Variants in TNFAIP8 observed in about 807,000 individuals in gnomAD.
TNFAIP8 encodes TNF alpha induced protein 8.
TNFAIP8 carries 7 observed loss-of-function variants against 13.3 expected under a neutral mutation model. The observed-to-expected ratio is 0.52, with a 90% CI of 0.30 to 0.99. The LOEUF is 0.99. TNFAIP8 is among the 50% of genes least tolerant of loss of function. The pLI is 0.07. For missense variants in TNFAIP8, 258 were observed against 236.9 expected, an observed-to-expected ratio of 1.09 and a Z score of -0.58; for synonymous variants, 94 against 87.6, an observed-to-expected ratio of 1.07 and a Z score of -0.41.
chr5:119,356,206 TA>T, intron 1 of TNFAIP8, 85 bp downstream of exon 1: 1 of 1,268,334 alleles, frequency 7.9e-7, no homozygotes, highest in Non-Finnish European at 1.1e-6. Context: ...ATGGGAGTTT[TA>T]AAGTGAGCGG....
intron 1 of TNFAIP8, among the ~76,000 whole-genome samples, chr5:119,291,692 G>C (rs1748990313): frequency 6.6e-6 from 1 of 152,182 alleles, no homozygotes; most frequent in Admixed American, 6.5e-5. Context: ...TTGGGGCAGA[G>C]TTTTTTCCCT....
chr5:119,281,692 T>A (rs1341893139), intron 1 of TNFAIP8, among the ~76,000 whole-genome samples: 2 of 152,258 alleles, frequency 1.3e-5, no homozygotes, highest in African/African-American at 2.4e-5. Context: ...ATTATTGTTA[T>A]ATATTAAAAT....
chr5:119,327,418 T>C (rs1447529141), intron 1 of TNFAIP8, among the ~76,000 whole-genome samples: 1 of 152,168 alleles, frequency 6.6e-6, no homozygotes, highest in Non-Finnish European at 1.5e-5. Flanking sequence ...ATAATTCTGA[T>C]TGCTCTCTAA....
chr5:119,271,677 G>A (rs1374049978), intron 1 of TNFAIP8, among the ~76,000 whole-genome samples: 1 of 152,144 alleles, frequency 6.6e-6, no homozygotes, highest in Non-Finnish European at 1.5e-5. Flanking sequence ...CATGCACAGG[G>A]GCCAATCTGG....
intron 1 of TNFAIP8, among the ~76,000 whole-genome samples, chr5:119,321,930 A>G (rs990751007): frequency 6.7e-6 from 1 of 149,478 alleles, no homozygotes; most frequent in Non-Finnish European, 1.5e-5. Context: ...ATTTCCTCCC[A>G]CTCCCTCCTT....
chr5:119,305,661 A>C (rs533346515), intron 1 of TNFAIP8, among the ~76,000 whole-genome samples: 5 of 152,296 alleles, frequency 3.3e-5, no homozygotes, highest in Admixed American at 3.3e-4. Flanking sequence ...CATTGCCTCA[A>C]ATCTACTTTT....
At chr5:119,329,421 G>A (rs1750311141) in intron 1 of TNFAIP8, among the ~76,000 whole-genome samples, 1 of 152,188 alleles carries the variant, frequency 6.6e-6, no homozygotes, top group African/African-American at 2.4e-5. Context: ...CTCTGCCCCT[G>A]TGCTGGCCCT....
At chr5:119,299,769 G>A (rs1204751227) in intron 1 of TNFAIP8, among the ~76,000 whole-genome samples, 2 of 152,214 alleles carry the variant, frequency 1.3e-5, no homozygotes, top group Non-Finnish European at 2.9e-5. Context: ...CACCCAGTTC[G>A]AGCTTCCTGG....
intron 1 of TNFAIP8, among the ~76,000 whole-genome samples, chr5:119,284,034 A>C (rs1486984231): frequency 6.6e-6 from 1 of 152,208 alleles, no homozygotes; most frequent in African/African-American, 2.4e-5. Flanking sequence ...GTTTTTGACC[A>C]CTTACTATGT....
intron 1 of TNFAIP8, among the ~76,000 whole-genome samples, chr5:119,270,670 C>T (rs970435930): frequency 6.6e-6 from 1 of 152,130 alleles, no homozygotes; most frequent in Admixed American, 6.5e-5. Flanking sequence ...TCAGTTTTTA[C>T]TTGTAATCTG....
intron 1 of TNFAIP8, among the ~76,000 whole-genome samples, chr5:119,367,797 T>C (rs1751917302): frequency 6.6e-6 from 1 of 152,230 alleles, no homozygotes; most frequent in Admixed American, 6.5e-5. Flanking sequence ...TCAACATGTC[T>C]GATGAGTGTT....
At chr5:119,292,687 C>T (rs1224327731) in intron 1 of TNFAIP8, among the ~76,000 whole-genome samples, 14,255 of 24,290 alleles carry the variant, frequency 0.59, 4,607 homozygotes, top group East Asian at 0.76. Flanking sequence ...TATATATATA[C>T]ACACACACAC....
chr5:119,389,687 G>A (rs1752820517), intron 1 of TNFAIP8, among the ~76,000 whole-genome samples: 1 of 152,162 alleles, frequency 6.6e-6, no homozygotes, highest in African/African-American at 2.4e-5. Flanking sequence ...TCTTGGTGGA[G>A]GGGGAGAAAG....
At chr5:119,374,477 C>T (rs1752204984) in intron 1 of TNFAIP8, among the ~76,000 whole-genome samples, 1 of 152,158 alleles carries the variant, frequency 6.6e-6, no homozygotes, top group Non-Finnish European at 1.5e-5. Flanking sequence ...CAGCAAAGAT[C>T]CTGGGATGGA....
At chr5:119,316,180 GAC>G in intron 1 of TNFAIP8, 2 of 123,880 alleles carry the variant, frequency 1.6e-5, no homozygotes, top group South Asian at 5.3e-4. Context: ...TTTTTTTTGA[GAC>G]AGGATCTTCC....
chr5:119,399,327 T>C lies in TNFAIP8; in HGVS notation c.*5946T>C, dbSNP rs926645625. The C allele has an allele frequency of 2.0e-5, 3 of 152,234 alleles. No homozygotes were observed. The highest frequency in any genetic ancestry group is 6.5e-5 in the Admixed American group (1 of 15,286). 9.4% of individuals were successfully genotyped at this position (152,234 alleles called of 1,614,324 possible). A position where few individuals can be genotyped will look rare whatever the true frequency, so the allele number is the denominator to read the frequency against. On this transcript the variant is annotated 3_prime_UTR_variant, in exon 2 of 2. Coordinates refer to ENST00000504771, the MANE Select transcript of TNFAIP8 (RefSeq NM_014350.4). ...TTCTGCCTGCCAGGGAGCTCGCTCA[T>C]GTTGTCTCTGAAATTTGCATAAGAG...
intron 1 of TNFAIP8, among the ~76,000 whole-genome samples, chr5:119,279,070 C>T (rs750166075): frequency 2.0e-5 from 3 of 152,172 alleles, no homozygotes; most frequent in African/African-American, 4.8e-5. Context: ...GTAGGGTGGG[C>T]CAGCAGGCAC....
At chr5:119,362,643 T>A (rs1030379138) in intron 1 of TNFAIP8, among the ~76,000 whole-genome samples, 15 of 151,376 alleles carry the variant, frequency 9.9e-5, no homozygotes, top group African/African-American at 3.6e-4. Flanking sequence ...ACAAAAAAAA[T>A]TTAAAAATTA....
chr5:119,375,109 C>G (rs1048027354), intron 1 of TNFAIP8, among the ~76,000 whole-genome samples: 5 of 152,146 alleles, frequency 3.3e-5, no homozygotes, highest in Admixed American at 3.3e-4. Context: ...AAACATGTTG[C>G]CTGCCAAAAG....
Sources: gnomAD v4.1 joint callset for allele counts (sites outside exome capture counted in the v4.1 genomes callset) on GRCh38, gnomAD v4.1.1 for gene constraint, MANE v1.5 for transcripts, NCBI Gene and HGNC (gene_info 2026-07-23, HGNC 2026-07-21) for gene names.